The following DIP2A variants were observed in gnomAD, a reference collection of about 807,000 sequenced individuals.
DIP2A encodes the protein disco-interacting protein 2 homolog A.
In DIP2A, 85 loss-of-function variants were observed where a neutral mutation model predicts 177.4. That is an observed-to-expected ratio of 0.48 (90% CI 0.40 to 0.57). The LOEUF is 0.57. Ranked by LOEUF, DIP2A falls within the 20% of genes least tolerant of loss-of-function variation. DIP2A has a pLI of 0.00. For missense variants in DIP2A, 1,791 were observed against 2,100.2 expected (o/e 0.85, Z 2.88); for synonymous variants, 886 against 881.8 (o/e 1.00, Z -0.08).
At chr21:46,490,770 G>A (rs1466371686) in intron 3 of DIP2A, 51 bp downstream of exon 3, 10 of 1,495,592 alleles carry the variant, frequency 6.7e-6, no homozygotes, top group Non-Finnish European at 8.0e-6. Flanking sequence ...TGGAGCCCTT[G>A]GACTCTTGCC....
At chr21:46,506,640 T>C (rs1216212522) in intron 6 of DIP2A, among the ~76,000 whole-genome samples, 1 of 152,132 alleles carries the variant, frequency 6.6e-6, no homozygotes, top group African/African-American at 2.4e-5. Context: ...CATCTTTTTA[T>C]GCACCTATTT....
rs528514409 is a variant in DIP2A at position 46,521,067 on chromosome 21, T to C, written c.1103-8025T>C. Among the ~76,000 whole-genome samples, 3 of 152,366 alleles carry C rather than the reference T, an allele frequency of 2.0e-5. No homozygotes were observed. In the South Asian group the frequency reaches 6.2e-4, roughly 32 times the overall value. ...CCCAAAATGATAACTCAAAAATTTT[T>C]AAAAGGCAAAATCCTTTACTCATTA... On this transcript the variant is annotated intron_variant, in intron 8 of 37. Coordinates refer to ENST00000417564, the MANE Select transcript of DIP2A (RefSeq NM_015151.4).
rs1441673478 is a variant in DIP2A at position 46,526,389 on chromosome 21, GTTCA to G, written c.1103-2699_1103-2696del. 5.0e-5 allele frequency among the ~76,000 whole-genome samples: 7 copies of G among 139,204 alleles called. No individual in the cohort carries two copies. In the East Asian group the frequency reaches 1.3e-3, roughly 27 times the overall value. The allele number at this position is 139,204 out of a possible 152,430, so 91.3% of individuals were successfully genotyped here. ...TGTGGTGGATACTTTCATCAAAAACGTTCATTCCTTTTTTTTTTTTTTTGAGACA... is the reference window on the plus strand; with the variant it reads ...TGTGGTGGATACTTTCATCAAAAACGTTCCTTTTTTTTTTTTTTTGAGACA... On this transcript the variant is annotated intron_variant, in intron 8 of 37. Coordinates refer to ENST00000417564, the MANE Select transcript of DIP2A (RefSeq NM_015151.4).
chr21:46,538,756 G>A (rs1007009286), intron 16 of DIP2A, 154 bp downstream of exon 16: 8 of 1,149,286 alleles, frequency 7.0e-6, no homozygotes, highest in African/African-American at 1.6e-5. Flanking sequence ...GAACATCTTG[G>A]TGATTCACTG....
At chr21:46,573,999 C>G (rs2060980891), downstream of DIP2A, among the ~76,000 whole-genome samples, 1 of 152,156 alleles carries the variant, frequency 6.6e-6, no homozygotes, top group Non-Finnish European at 1.5e-5. Flanking sequence ...AACAAACTAA[C>G]TAGATCTAAC....
chr21:46,477,543 T>TG (rs2055964791), intron 1 of DIP2A, among the ~76,000 whole-genome samples: 5 of 87,092 alleles, frequency 5.7e-5, no homozygotes, highest in Non-Finnish European at 9.1e-5. Context: ...AAAAAAAGAT[T>TG]TGTGTGTGTG....
chr21:46,573,848 T>C (rs947144202), downstream of DIP2A, among the ~76,000 whole-genome samples: 5 of 151,882 alleles, frequency 3.3e-5, no homozygotes, highest in African/African-American at 4.8e-5. Flanking sequence ...CATCAAAATA[T>C]ATGAAATGAA....
intron 3 of DIP2A, among the ~76,000 whole-genome samples, chr21:46,495,578 T>C (rs2057313062): frequency 6.6e-6 from 1 of 151,830 alleles, no homozygotes. Flanking sequence ...TCTCTCTCTC[T>C]TTCTTTTCTT....
At chr21:46,470,822 A>C (rs1601354731) in intron 1 of DIP2A, among the ~76,000 whole-genome samples, 1 of 146,282 alleles carries the variant, frequency 6.8e-6, no homozygotes, top group Non-Finnish European at 1.5e-5. Flanking sequence ...CCAGCTACTC[A>C]GGAGGCTGAG....
rs1463423381 is a variant in DIP2A, at chr21:46,557,291, T to TGC, written c.3629+223_3629+224dup. On this transcript the variant is annotated intron_variant, in intron 30 of 37. Transcript: ENST00000417564. This position sits in a 1 kb window ranked among gnomAD's most constrained non-coding sequence, Gnocchi z 6.0. ...CCGTTATCAGTACTTGGGAAGAATC[T>TGC]GCTTGATTCCTTCAAACACTAGAAA... 1 of 635,978 alleles carries TGC rather than the reference T, an allele frequency of 1.6e-6. No homozygotes were observed. The highest frequency in any genetic ancestry group is 2.7e-6 in the Non-Finnish European group (1 of 375,786). The allele number at this position is 635,978 out of a possible 1,614,324, so 39.4% of individuals were successfully genotyped here. A position where few individuals can be genotyped will look rare whatever the true frequency, so the allele number is the denominator to read the frequency against.
At chr21:46,492,669 A>G (rs1304659225) in intron 3 of DIP2A, among the ~76,000 whole-genome samples, 2 of 152,150 alleles carry the variant, frequency 1.3e-5, no homozygotes, top group Non-Finnish European at 1.5e-5. Flanking sequence ...TGCCCTTATA[A>G]GAAGAGGCAT....
chr21:46,478,724 G>C (rs1254314026), intron 1 of DIP2A, among the ~76,000 whole-genome samples: 1 of 151,152 alleles, frequency 6.6e-6, no homozygotes, highest in Non-Finnish European at 1.5e-5. Flanking sequence ...TTGAGATACA[G>C]TATTTTTCAG....
rs748101773 is a variant in DIP2A, at chr21:46,534,700, G to A, written c.1642+13G>A. On this transcript the variant is annotated intron_variant, in intron 13 of 37. Transcript: ENST00000417564. ...GGGTACTCAGAAGGTAAGGGCTCTCGGGGGTGGGGCGGTGGCCCCTCCAGC... is the reference window on the plus strand; with the variant it reads ...GGGTACTCAGAAGGTAAGGGCTCTCAGGGGTGGGGCGGTGGCCCCTCCAGC... 17 of 1,601,132 alleles carry A rather than the reference G, an allele frequency of 1.1e-5. No homozygotes were observed. The highest frequency in any genetic ancestry group is 5.5e-5 in the South Asian group (5 of 90,554).
chr21:46,551,468 C>T (rs893512571), intron 23 of DIP2A, among the ~76,000 whole-genome samples, 166 bp from the exon 24 acceptor site: 5 of 151,606 alleles, frequency 3.3e-5, no homozygotes, highest in African/African-American at 1.2e-4. Flanking sequence ...TTCTCTTTGT[C>T]ACTTAGCATA....
intron 21 of DIP2A, 199 bp downstream of exon 21, chr21:46,547,241 TC>T: frequency 7.5e-7 from 1 of 1,337,552 alleles, no homozygotes; most frequent in Non-Finnish European, 9.6e-7. Context: ...TCCAAAGAGT[TC>T]CTTGGATTCC....
At chr21:46,546,824 T>C in intron 20 of DIP2A, 91 bp from the exon 21 acceptor site, 1 of 1,470,810 alleles carries the variant, frequency 6.8e-7, no homozygotes, top group Non-Finnish European at 9.3e-7. Flanking sequence ...TCCTGTGCTG[T>C]TGGCCCCTTC....
At position 46,537,990 on chromosome 21, in the gene DIP2A, T is replaced by G. The variant is rs2148796534; in HGVS notation, c.1801+451T>G. On this transcript the variant is annotated intron_variant, in intron 15 of 37. Coordinates refer to ENST00000417564, the MANE Select transcript of DIP2A (RefSeq NM_015151.4). The surrounding 1 kb of genome is among the most constrained non-coding windows in gnomAD (Gnocchi z 4.1). The stretch of plus-strand genomic sequence containing the variant: ...CCTCTAGACATGTCTCAGAGCAGTG[T>G]GGAGGGGCAGCTCTCTCTGTCTGTC... Among the ~76,000 whole-genome samples, 1 of 152,148 alleles carries G rather than the reference T, an allele frequency of 6.6e-6. No individual in the cohort carries two copies. The highest frequency in any genetic ancestry group is 1.9e-4 in the East Asian group (1 of 5,174).
Position 46,488,574 on chromosome 21 carries a change from G to C in DIP2A, c.164-2026G>C, listed in dbSNP as rs1372237834. Among the ~76,000 whole-genome samples, 3 of 152,158 alleles carry C rather than the reference G, an allele frequency of 2.0e-5. No individual in the cohort carries two copies. The South Asian group carries it at 6.2e-4, about 32-fold the overall frequency. The stretch of plus-strand genomic sequence containing the variant: ...TCCAAAGGAGAGGAAATGTGGATGG[G>C]CAATAAATATTAAATTATGTTCAAC... On this transcript the variant is annotated intron_variant, in intron 2 of 37. Coordinates refer to ENST00000417564, the MANE Select transcript of DIP2A (RefSeq NM_015151.4).
downstream of DIP2A, among the ~76,000 whole-genome samples, chr21:46,574,247 A>G (rs1006674965): frequency 1.3e-5 from 2 of 152,168 alleles, no homozygotes; most frequent in African/African-American, 4.8e-5. Flanking sequence ...CAAACAACCA[A>G]TGGATCAAAG....
Sources: allele counts gnomAD v4.1 joint callset (sites outside exome capture counted in the v4.1 genomes callset), GRCh38; gene constraint gnomAD v4.1.1; non-coding constraint Gnocchi (gnomAD v3.1); transcripts MANE v1.5; gene names NCBI Gene and HGNC (gene_info 2026-07-23, HGNC 2026-07-21).